AUTS2: variants seen among roughly 807,000 people sequenced by gnomAD.
AUTS2 encodes the protein autism susceptibility gene 2 protein.
AUTS2 carries 17 observed loss-of-function variants against 112.4 expected under a neutral mutation model. The observed-to-expected ratio is 0.15, with a 90% CI of 0.10 to 0.23. The LOEUF (loss-of-function observed/expected upper bound fraction) is 0.23, where lower values mean the gene tolerates loss of function less well. Ranked by LOEUF, AUTS2 falls within the 10% of genes least tolerant of loss-of-function variation. AUTS2 has a pLI of 1.00. For missense variants in AUTS2, 1,510 were observed against 1,701.6 expected (o/e 0.89, Z 1.98); for synonymous variants, 751 against 702.7 (o/e 1.07, Z -1.09).
intron 5 of AUTS2, among the ~76,000 whole-genome samples, chr7:70,622,642 T>G (rs910827356): frequency 3.9e-5 from 6 of 152,234 alleles, no homozygotes; most frequent in Non-Finnish European, 8.8e-5. Context: ...AAAAAAGGCT[T>G]GTATTTTTCC....
intron 4 of AUTS2, among the ~76,000 whole-genome samples, chr7:70,340,065 G>T (rs367906880): frequency 2.0e-5 from 3 of 151,680 alleles, no homozygotes; most frequent in African/African-American, 7.3e-5. Context: ...ATCCTCTGAG[G>T]TCTTGTCTGT....
intron 5 of AUTS2, among the ~76,000 whole-genome samples, chr7:70,452,594 T>G (rs2131082525): frequency 6.6e-6 from 1 of 152,196 alleles, no homozygotes; most frequent in Non-Finnish European, 1.5e-5. Flanking sequence ...TTAGCAAGAT[T>G]CATTTATTAC....
At chr7:69,768,969 G>A (rs1286049367) in intron 1 of AUTS2, among the ~76,000 whole-genome samples, 2 of 152,142 alleles carry the variant, frequency 1.3e-5, no homozygotes, top group Non-Finnish European at 2.9e-5. Flanking sequence ...GGCAGAGTGT[G>A]GACACACTTG....
At chr7:70,452,642 A>G (rs1796581389) in intron 5 of AUTS2, among the ~76,000 whole-genome samples, 1 of 152,126 alleles carries the variant, frequency 6.6e-6, no homozygotes, top group South Asian at 2.1e-4. Context: ...CTTTTAGGAA[A>G]TGGGATCCAA....
intron 5 of AUTS2, among the ~76,000 whole-genome samples, chr7:70,453,649 G>C (rs1049487315): frequency 6.6e-6 from 1 of 152,198 alleles, no homozygotes; most frequent in Non-Finnish European, 1.5e-5. Context: ...TCCTTGCCTT[G>C]TCCAGCTTCT....
At chr7:69,695,743 C>G in intron 1 of AUTS2, among the ~76,000 whole-genome samples, 1 of 152,020 alleles carries the variant, frequency 6.6e-6, no homozygotes, top group Non-Finnish European at 1.5e-5. Flanking sequence ...TTTAAAAATG[C>G]CCCCCTCCCA....
At chr7:69,888,146 CA>C (rs1473176498) in intron 1 of AUTS2, among the ~76,000 whole-genome samples, 1 of 151,538 alleles carries the variant, frequency 6.6e-6, no homozygotes, top group Non-Finnish European at 1.5e-5. Context: ...CTTGTCTCTA[CA>C]AAAAAGTAAA....
At chr7:70,355,257 G>A (rs943846613) in intron 4 of AUTS2, among the ~76,000 whole-genome samples, 1 of 151,992 alleles carries the variant, frequency 6.6e-6, no homozygotes, top group Non-Finnish European at 1.5e-5. Context: ...AAATCCGACA[G>A]AAAGTACAAA....
intron 4 of AUTS2, among the ~76,000 whole-genome samples, chr7:70,376,904 G>A (rs1793111562): frequency 6.6e-6 from 1 of 151,414 alleles, no homozygotes; most frequent in Non-Finnish European, 1.5e-5. Flanking sequence ...CTCTGTTATT[G>A]CGTGTTGTTG....
chr7:70,328,980 C>T (rs531293042), intron 4 of AUTS2, among the ~76,000 whole-genome samples: 1 of 152,218 alleles, frequency 6.6e-6, no homozygotes, highest in Non-Finnish European at 1.5e-5. Flanking sequence ...CCCAGTAAAC[C>T]TCTGATCTGT....
At chr7:70,593,989 G>A (rs1803075329) in intron 5 of AUTS2, among the ~76,000 whole-genome samples, 1 of 152,230 alleles carries the variant, frequency 6.6e-6, no homozygotes. Flanking sequence ...GCAAAATAAT[G>A]TGGGCTGCAC....
intron 5 of AUTS2, among the ~76,000 whole-genome samples, chr7:70,524,514 G>A (rs1178255371): frequency 1.3e-5 from 2 of 152,162 alleles, no homozygotes; most frequent in Non-Finnish European, 2.9e-5. Flanking sequence ...GTTGCATTAA[G>A]CTCCCTGGCA....
chr7:69,746,058 A>G (rs1017838064), intron 1 of AUTS2, among the ~76,000 whole-genome samples: 3 of 151,774 alleles, frequency 2.0e-5, no homozygotes, highest in African/African-American at 7.3e-5. Context: ...TTTTTAATTT[A>G]GAGACACGGT....
At chr7:70,632,671 C>T (rs985165721) in intron 5 of AUTS2, among the ~76,000 whole-genome samples, 1 of 152,118 alleles carries the variant, frequency 6.6e-6, no homozygotes, top group African/African-American at 2.4e-5. Flanking sequence ...TAAGAGTGCT[C>T]TCTGAATCTT....
intron 5 of AUTS2, among the ~76,000 whole-genome samples, chr7:70,619,091 ACCAGGCTCTC>A (rs1804532218): frequency 6.6e-6 from 1 of 152,190 alleles, no homozygotes; most frequent in Non-Finnish European, 1.5e-5. Context: ...ACAGAAAGCC[ACCAGGCTCTC>A]CCTGGGTCTC....
intron 2 of AUTS2, among the ~76,000 whole-genome samples, chr7:69,946,999 C>T (rs981933687): frequency 2.0e-5 from 3 of 152,106 alleles, no homozygotes; most frequent in African/African-American, 4.8e-5. Flanking sequence ...GGTGGGCACT[C>T]GTTTGATACT....
At chr7:70,433,906 AG>A (rs1393739064) in intron 4 of AUTS2, among the ~76,000 whole-genome samples, 2 of 152,236 alleles carry the variant, frequency 1.3e-5, no homozygotes, top group Non-Finnish European at 2.9e-5. Flanking sequence ...GCTCTCTAAT[AG>A]GAGCTTAAAC....
intron 2 of AUTS2, among the ~76,000 whole-genome samples, chr7:70,043,852 G>C (rs1262416588): frequency 6.6e-6 from 1 of 151,648 alleles, no homozygotes; most frequent in Non-Finnish European, 1.5e-5. Flanking sequence ...CAGGTGATCC[G>C]CCCATCTCAG....
chr7:69,919,853 T>G (rs1423965009), intron 2 of AUTS2, among the ~76,000 whole-genome samples: 1 of 152,190 alleles, frequency 6.6e-6, no homozygotes, highest in Non-Finnish European at 1.5e-5. Context: ...CTGAAGTATG[T>G]GATACCTACA....
Sources: allele counts gnomAD v4.1 joint callset (sites outside exome capture counted in the v4.1 genomes callset), GRCh38; gene constraint gnomAD v4.1.1; transcripts MANE v1.5; gene names NCBI Gene and HGNC (gene_info 2026-07-23, HGNC 2026-07-21).